Variants in ADGRA1 observed in about 807,000 individuals in gnomAD.
ADGRA1 encodes adhesion G protein-coupled receptor A1.
Under a neutral mutation model 21.3 loss-of-function variants are expected in ADGRA1, and 12 were observed. That is an observed-to-expected ratio of 0.56 (90% CI 0.36 to 0.91). The LOEUF is 0.91. Ranked by LOEUF, ADGRA1 falls within the 40% of genes least tolerant of loss-of-function variation. The probability of loss-of-function intolerance (pLI) is 0.01; values close to 1 mark genes in which losing one functional copy is unlikely to be tolerated. For missense variants in ADGRA1, 790 were observed against 805.6 expected, an observed-to-expected ratio of 0.98 and a Z score of 0.23; for synonymous variants, 385 against 368.8, an observed-to-expected ratio of 1.04 and a Z score of -0.50.
rs369902490 is a variant in ADGRA1, at chr10:133,129,455, A to T, written c.1627A>T (p.Thr543Ser). The part of the protein sequence containing the change: ...GKLLEGLPFG[T>S]DGTGNIRTGP... ...ATTGCTAGAAGGCCTGCCGTTTGGC[A>T]CCGACGGGACCGGCAACATCCGAAC... Residue 543 changes from threonine to serine, a missense_variant, in exon 7 of 7, where the codon ACC becomes TCC. Coordinates refer to ENST00000392607, the MANE Select transcript of ADGRA1 (RefSeq NM_001083909.3). The T allele has an allele frequency of 3.7e-6, 6 of 1,600,832 alleles. No individual in the cohort carries two copies. The African/African-American group carries it at 8.0e-5, about 21-fold the overall frequency.
At position 133,129,660 on chromosome 10, in the gene ADGRA1, CCCCTTCCTTGTGATCACACCCCTG is replaced by C. The variant is rs1852473754; in HGVS notation, c.*153_*176del. 5 of 398,370 alleles carry C rather than the reference CCCCTTCCTTGTGATCACACCCCTG, an allele frequency of 1.3e-5. No homozygotes were observed. Among genetic ancestry groups the C allele is most frequent in the African/African-American group, 6.2e-5 (3 of 48,296 alleles). 24.7% of individuals were successfully genotyped at this position (398,370 alleles called of 1,614,324 possible). A position where few individuals can be genotyped will look rare whatever the true frequency, so the allele number is the denominator to read the frequency against. ...CCCCTTCCTTGTGATCACACCCCTG[CCCCTTCCTTGTGATCACACCCCTG>C]CCCCTTCCTTGTGATCACACCCCTG... On this transcript the variant is annotated 3_prime_UTR_variant, in exon 7 of 7. Coordinates refer to ENST00000392607, the MANE Select transcript of ADGRA1 (RefSeq NM_001083909.3).
At chr10:133,108,262 T>C (rs1350560421) in intron 5 of ADGRA1, among the ~76,000 whole-genome samples, 1 of 152,238 alleles carries the variant, frequency 6.6e-6, no homozygotes, top group East Asian at 1.9e-4. Context: ...CCTCGGGGCC[T>C]CCTGTGGGTG....
In ADGRA1 at chr10:133,128,794, G is replaced by T; in HGVS notation, c.966G>T (p.Pro322=). ...GGCAGTGCTGGTGGGCATGCTGCCC[G>T]CCCCGCAAGGACGCCCACCCCGCAC... ...DVWQCWWACC[P]PRKDAHPALD... is the part of the protein sequence containing the mutation. Residue 322 remains proline (P), a synonymous_variant, in exon 7 of 7, where the codon CCG becomes CCT. Coordinates refer to ENST00000392607, the MANE Select transcript of ADGRA1 (RefSeq NM_001083909.3). 2 of 1,608,974 alleles carry T rather than the reference G, an allele frequency of 1.2e-6. No individual in the cohort carries two copies. The highest frequency in any genetic ancestry group is 8.5e-7 in the Non-Finnish European group (1 of 1,178,352).
rs1564849528 is a variant in ADGRA1, at chr10:133,111,890, CA to C, written c.401+9049del. Among the ~76,000 whole-genome samples, 278 of 109,038 alleles carry C rather than the reference CA, an allele frequency of 2.5e-3. 23 individuals carry two copies. The highest frequency in any genetic ancestry group is 0.016 in the East Asian group (47 of 3,004). The allele number at this position is 109,038 out of a possible 152,430, so 71.5% of individuals were successfully genotyped here. A position where few individuals can be genotyped will look rare whatever the true frequency, so the allele number is the denominator to read the frequency against. On this transcript the variant is annotated intron_variant, in intron 5 of 6. Transcript: ENST00000392607. The stretch of plus-strand genomic sequence containing the variant: ...ATCCCTCCAGACCACCTGCCCACCA[CA>C]GACACCTCCCTCCTAATGCCTCCAG...
intron 5 of ADGRA1, among the ~76,000 whole-genome samples, chr10:133,121,203 A>T (rs1852247151): frequency 6.6e-6 from 1 of 152,356 alleles, no homozygotes; most frequent in East Asian, 1.9e-4. Flanking sequence ...AATTACCAAA[A>T]TATGACACAG....
At position 133,127,337 on chromosome 10, in the gene ADGRA1, T is replaced by A; in HGVS notation, c.500+6T>A. The A allele has an allele frequency of 1.3e-6, 2 of 1,582,976 alleles. No individual in the cohort carries two copies. Among genetic ancestry groups the A allele is most frequent in the Non-Finnish European group, 8.6e-7 (1 of 1,165,188 alleles). ...GAGGACGAGGACACGGCGTAGTGAG[T>A]ACCGGGCACCCAGAACCGGGAGCTG... On this transcript the variant is annotated splice_donor_region_variant and intron_variant, in intron 6 of 6. Transcript: ENST00000392607.
intron 4 of ADGRA1, among the ~76,000 whole-genome samples, chr10:133,100,096 G>A (rs926924410): frequency 5.3e-5 from 8 of 152,218 alleles, no homozygotes; most frequent in Non-Finnish European, 1.2e-4. Context: ...GGGCCCTGGC[G>A]TCCGGCACGC....
intron 5 of ADGRA1, among the ~76,000 whole-genome samples, chr10:133,120,229 C>A (rs376233804): frequency 1.7e-3 from 261 of 152,238 alleles, no homozygotes; most frequent in African/African-American, 5.8e-3. Context: ...GATGGCAAAA[C>A]CCAGTCTCAA....
chr10:133,089,803 C>T (rs946151221), intron 2 of ADGRA1, among the ~76,000 whole-genome samples: 2 of 152,230 alleles, frequency 1.3e-5, no homozygotes, highest in African/African-American at 4.8e-5. Flanking sequence ...CATTCAGTAT[C>T]GTCTTCCAGT....
At chr10:133,121,859 ATG>A (rs1852272014) in intron 5 of ADGRA1, among the ~76,000 whole-genome samples, 2 of 64,594 alleles carry the variant, frequency 3.1e-5, no homozygotes, top group African/African-American at 1.2e-4. Context: ...GCGTGTGTGA[ATG>A]AGTGCCTGTG....
chr10:133,102,255 G>A (rs1851809126), intron 4 of ADGRA1: 1 of 478,088 alleles, frequency 2.1e-6, no homozygotes, highest in Non-Finnish European at 4.2e-6. Flanking sequence ...CCCCGTGGGG[G>A]GCTCATCCTA....
At chr10:133,119,189 G>T (rs536811179) in intron 5 of ADGRA1, among the ~76,000 whole-genome samples, 1 of 152,116 alleles carries the variant, frequency 6.6e-6, no homozygotes, top group Non-Finnish European at 1.5e-5. Context: ...AAACCGAGAC[G>T]GGCGTGGCAG....
rs2135915413 is a variant in ADGRA1, at chr10:133,129,870, G to A, written c.*359G>A. On this transcript the variant is annotated 3_prime_UTR_variant, in exon 7 of 7. Coordinates refer to ENST00000392607, the MANE Select transcript of ADGRA1 (RefSeq NM_001083909.3). ...AGGCAGAGCAGGGGATTCCATCAAA[G>A]GACCCACTGAGACCCCAGCATGGCC... is the stretch of plus-strand genomic sequence containing the variant. 4.4e-6 allele frequency: 1 copy of A among 227,350 alleles called. No homozygotes were observed. Among genetic ancestry groups the A allele is most frequent in the African/African-American group, 2.3e-5 (1 of 43,244 alleles). The allele number at this position is 227,350 out of a possible 1,614,324, so 14.1% of individuals were successfully genotyped here.
rs762634284 is a variant in ADGRA1 at position 133,128,536 on chromosome 10, C to G, written c.708C>G (p.Pro236=). The G allele has an allele frequency of 4.5e-6, 7 of 1,549,624 alleles. No individual in the cohort carries two copies. Among genetic ancestry groups the G allele is most frequent in the South Asian group, 2.4e-5 (2 of 84,880 alleles). The change falls in exon 7 of 7, where the codon CCC becomes CCG. Residue 236 remains proline, a synonymous_variant. Coordinates refer to ENST00000392607, the MANE Select transcript of ADGRA1 (RefSeq NM_001083909.3). ...GTGGGATCCGGCCAGGCACCCCACC[C>G]GCACACGATGCCCCCGGCGCCTCCG... ...GGRGIRPGTP[P]AHDAPGASVL... is the part of the protein sequence containing the mutation.
At chr10:133,115,136 CGGTGCACCTGGGCCTCAGGCGATGGATGA>C (rs903739953) in intron 5 of ADGRA1, among the ~76,000 whole-genome samples, 2 of 152,132 alleles carry the variant, frequency 1.3e-5, no homozygotes, top group Admixed American at 6.5e-5. Context: ...CAGATTTCAG[CGGTGCACCTGGGCCTCAGGCGATGGATGA>C]GGTGCACCTG....
At chr10:133,121,608 G>A (rs1275178495) in intron 5 of ADGRA1, among the ~76,000 whole-genome samples, 2 of 147,224 alleles carry the variant, frequency 1.4e-5, no homozygotes, top group African/African-American at 2.5e-5. Context: ...GTTTGTGCAT[G>A]TGAGTGCCTG....
rs1186936321 is a variant in ADGRA1 at position 133,129,747 on chromosome 10, C to T, written c.*236C>T. ...GAAAGACCTCAGCGGGGAAACGCTC[C>T]GGGCCACGCCCACTCCCCTTATCCC... On this transcript the variant is annotated 3_prime_UTR_variant, in exon 7 of 7. Coordinates refer to ENST00000392607, the MANE Select transcript of ADGRA1 (RefSeq NM_001083909.3). 11 of 411,780 alleles carry T rather than the reference C, an allele frequency of 2.7e-5. No individual in the cohort carries two copies. The highest frequency in any genetic ancestry group is 4.1e-5 in the Non-Finnish European group (9 of 221,488). 25.5% of individuals were successfully genotyped at this position (411,780 alleles called of 1,614,324 possible).
chr10:133,104,467 G>A (rs929296506), intron 5 of ADGRA1, among the ~76,000 whole-genome samples: 4 of 152,174 alleles, frequency 2.6e-5, no homozygotes, highest in Non-Finnish European at 4.4e-5. Flanking sequence ...AGAGCCGTGC[G>A]TCTGTCCAGG....
intron 4 of ADGRA1, among the ~76,000 whole-genome samples, chr10:133,102,092 G>A (rs1478009449): frequency 2.7e-5 from 4 of 150,250 alleles, no homozygotes; most frequent in Non-Finnish European, 4.5e-5. Context: ...TGTGGCCCTC[G>A]TAATAAGCAA....
Sources: allele counts gnomAD v4.1 joint callset (sites outside exome capture counted in the v4.1 genomes callset), GRCh38; gene constraint gnomAD v4.1.1; transcripts MANE v1.5; gene names NCBI Gene and HGNC (gene_info 2026-07-23, HGNC 2026-07-21).